The following ARHGEF3 variants were observed in gnomAD, a reference collection of about 807,000 sequenced individuals.
ARHGEF3 encodes the protein 59.8 kDA protein.
A neutral mutation model predicts 63.2 loss-of-function variants in ARHGEF3; 28 were observed. The ratio of observed to expected loss-of-function variants is 0.44; its 90% CI spans 0.33 to 0.61. ARHGEF3 has a LOEUF of 0.61. Among genes scored for constraint, ARHGEF3 ranks in the 20% least tolerant of loss-of-function variants. ARHGEF3 has a pLI of 0.03. For synonymous variants in ARHGEF3, 266 were observed against 254.2 expected (o/e 1.05, Z -0.44); for missense variants, 533 against 659.3 (o/e 0.81, Z 2.10).
chr3:57,041,896 C>T (rs941967171), intron 1 of ARHGEF3, among the ~76,000 whole-genome samples: 4 of 152,192 alleles, frequency 2.6e-5, no homozygotes, highest in African/African-American at 9.7e-5. Flanking sequence ...CAGATGACCT[C>T]ACCTCCCCAG....
chr3:56,996,900 T>A (rs112041691), intron 2 of ARHGEF3, among the ~76,000 whole-genome samples: 22,977 of 147,526 alleles, frequency 0.16, 2,084 homozygotes, highest in Non-Finnish European at 0.2. Context: ...ATTTTTTTTT[T>A]TTTTTGCAAT....
At chr3:57,001,700 T>C (rs750880704) in intron 2 of ARHGEF3, among the ~76,000 whole-genome samples, 3 of 152,142 alleles carry the variant, frequency 2.0e-5, no homozygotes, top group Non-Finnish European at 2.9e-5. Flanking sequence ...TGAGCAGCCA[T>C]AGTGCAAACA....
At chr3:56,976,592 A>C (rs1165035704) in intron 2 of ARHGEF3, among the ~76,000 whole-genome samples, 2 of 152,232 alleles carry the variant, frequency 1.3e-5, no homozygotes, top group Non-Finnish European at 2.9e-5. Context: ...GGGCATTTAT[A>C]ATAAATGTTC....
chr3:56,867,457 C>CTAT (rs1201790254), intron 4 of ARHGEF3, among the ~76,000 whole-genome samples: 5 of 149,734 alleles, frequency 3.3e-5, no homozygotes, highest in African/African-American at 1.2e-4. Flanking sequence ...AGTTAAAATG[C>CTAT]TATTTATTTA....
chr3:56,770,489 C>T (rs1230004385), intron 2 of ARHGEF3, among the ~76,000 whole-genome samples: 1 of 152,092 alleles, frequency 6.6e-6, no homozygotes, highest in East Asian at 1.9e-4. Context: ...GGCACCTTCT[C>T]TCAGTCTAGC....
At chr3:56,913,555 G>A (rs1560044737) in intron 3 of ARHGEF3, among the ~76,000 whole-genome samples, 1 of 152,166 alleles carries the variant, frequency 6.6e-6, no homozygotes, top group Non-Finnish European at 1.5e-5. Context: ...TGCACTGTAG[G>A]TGGGAATATA....
chr3:57,049,161 G>T (rs1433895351), intron 1 of ARHGEF3, among the ~76,000 whole-genome samples: 1 of 152,292 alleles, frequency 6.6e-6, no homozygotes, highest in South Asian at 2.1e-4. Flanking sequence ...CTTCAGGCCA[G>T]AAGTTCGAGA....
chr3:56,809,228 G>A (rs1399869439), intron 4 of ARHGEF3, among the ~76,000 whole-genome samples: 4 of 152,146 alleles, frequency 2.6e-5, no homozygotes, highest in Non-Finnish European at 4.4e-5. Context: ...TAGGAGTAAG[G>A]GAGTGAGGGG....
chr3:56,990,687 C>G (rs1223081909), intron 2 of ARHGEF3, among the ~76,000 whole-genome samples: 1 of 152,190 alleles, frequency 6.6e-6, no homozygotes, highest in African/African-American at 2.4e-5. Flanking sequence ...TAACCAAAGC[C>G]TAAGTCTGGA....
chr3:57,033,311 C>T (rs1703808639), intron 2 of ARHGEF3, among the ~76,000 whole-genome samples: 1 of 151,672 alleles, frequency 6.6e-6, no homozygotes, highest in African/African-American at 2.4e-5. Context: ...CACAGCACTA[C>T]CATAAGGGCA....
intron 3 of ARHGEF3, among the ~76,000 whole-genome samples, chr3:56,945,358 C>T (rs1699431067): frequency 6.6e-6 from 1 of 152,142 alleles, no homozygotes; most frequent in Admixed American, 6.5e-5. Context: ...CAGGGAATTC[C>T]CTTTCCTAGT....
At chr3:57,037,723 AAATTAGC>A (rs1167628386) in intron 1 of ARHGEF3, among the ~76,000 whole-genome samples, 4 of 152,138 alleles carry the variant, frequency 2.6e-5, no homozygotes, top group Non-Finnish European at 5.9e-5. Context: ...AAACACAAAA[AAATTAGC>A]CAGGCTTGGT....
At position 56,935,837 on chromosome 3, in the gene ARHGEF3, A is replaced by G. The variant is rs561980483; in HGVS notation, c.129+22986T>C. Among the ~76,000 whole-genome samples, 3 of 152,350 alleles carry G rather than the reference A, an allele frequency of 2.0e-5. No homozygotes were observed. In the South Asian group the frequency reaches 6.2e-4, roughly 32 times the overall value. ...ACCCACCAATTCCAGACACATTACT[A>G]TGTCACAGACCCAGTGCTAAATACT... On this transcript the variant is annotated intron_variant, in intron 3 of 12. Transcript: ENST00000338458.
chr3:56,771,592 C>T (rs1013030861), intron 2 of ARHGEF3, among the ~76,000 whole-genome samples: 1 of 152,182 alleles, frequency 6.6e-6, no homozygotes, highest in African/African-American at 2.4e-5. Context: ...CTAGGTCTAG[C>T]TCATTACTGC....
intron 4 of ARHGEF3, among the ~76,000 whole-genome samples, chr3:56,871,397 T>A (rs909292433): frequency 6.6e-6 from 1 of 152,120 alleles, no homozygotes; most frequent in African/African-American, 2.4e-5. Context: ...TCAAGTTATC[T>A]GTTTCAAAAA....
intron 4 of ARHGEF3, among the ~76,000 whole-genome samples, chr3:56,855,836 C>G (rs2039855807): frequency 6.6e-6 from 1 of 152,128 alleles, no homozygotes; most frequent in South Asian, 2.1e-4. Flanking sequence ...CATAGATGTA[C>G]AGATGATGAT....
chr3:56,996,632 T>C (rs1238697825), intron 2 of ARHGEF3, among the ~76,000 whole-genome samples: 1 of 152,202 alleles, frequency 6.6e-6, no homozygotes, highest in Non-Finnish European at 1.5e-5. Flanking sequence ...CCTCCAGAAC[T>C]GTGAGAAATC....
At chr3:56,888,819 C>T (rs1350953993) in intron 3 of ARHGEF3, among the ~76,000 whole-genome samples, 1 of 151,980 alleles carries the variant, frequency 6.6e-6, no homozygotes, top group African/African-American at 2.4e-5. Flanking sequence ...AGGAGAATCG[C>T]TTGAACCTGG....
At chr3:56,779,170 C>G (rs1393915180) in intron 1 of ARHGEF3, among the ~76,000 whole-genome samples, 3 of 152,190 alleles carry the variant, frequency 2.0e-5, no homozygotes, top group African/African-American at 4.8e-5. Flanking sequence ...ATTTGACTTA[C>G]TTTTTATGTG....
Sources: allele counts gnomAD v4.1 joint callset (sites outside exome capture counted in the v4.1 genomes callset), GRCh38; gene constraint gnomAD v4.1.1; transcripts MANE v1.5; gene names NCBI Gene and HGNC (gene_info 2026-07-23, HGNC 2026-07-21).